Variants in DMD observed in about 807,000 individuals in gnomAD.
The protein encoded by DMD is dystrophin.
In DMD, 63 loss-of-function variants were observed where a neutral mutation model predicts 330.1. That is an observed-to-expected ratio of 0.19 (90% confidence interval 0.16 to 0.24). The LOEUF (loss-of-function observed/expected upper bound fraction) is 0.24. Ranked by LOEUF, DMD falls within the 10% of genes least tolerant of loss-of-function variation. The pLI is 1.00. For missense variants in DMD, 3,344 were observed against 2,684.1 expected (o/e 1.25, Z -5.43); for synonymous variants, 1,223 against 959.8 (o/e 1.27, Z -5.07).
At chrX:32,051,210 C>G (rs1489049594) in intron 44 of DMD, among the ~76,000 whole-genome samples, 2 of 109,844 alleles carry the variant, frequency 1.8e-5, no homozygotes, top group Non-Finnish European at 3.8e-5. Context: ...AAATGCACAC[C>G]AAATGTTAAA....
chrX:32,894,260 G>C (rs910361097), intron 2 of DMD, among the ~76,000 whole-genome samples: 1 of 111,925 alleles, frequency 8.9e-6, no homozygotes, highest in Non-Finnish European at 1.9e-5. Context: ...AATAGCGAAG[G>C]CATCAGGTTC....
chrX:31,747,512 A>G (rs989354940), intron 51 of DMD, among the ~76,000 whole-genome samples: 1 of 111,572 alleles, frequency 9.0e-6, no homozygotes, highest in African/African-American at 3.3e-5. Flanking sequence ...TTCTTATCAT[A>G]TAAAAATGGG....
At position 32,141,335 on chromosome X, in the gene DMD, C is replaced by A. The variant is rs149567499; in HGVS notation, c.6438+75581G>T. On this transcript the variant is annotated intron_variant, in intron 44 of 78. Transcript: ENST00000357033. Reference sequence around the variant, plus strand: ...CCTCTAATCCCAGCTGCTTGGGAGGCCGAGGCACAAGAATCACTTGAACCC... The same window carrying A: ...CCTCTAATCCCAGCTGCTTGGGAGGACGAGGCACAAGAATCACTTGAACCC... Among the ~76,000 whole-genome samples the A allele has an allele frequency of 5.1e-3, 558 of 109,893 alleles. 6 individuals carry two copies. Among genetic ancestry groups the A allele is most frequent in the African/African-American group, 0.017 (525 of 30,219 alleles).
chrX:31,247,384 G>A (rs2048931362), intron 63 of DMD, among the ~76,000 whole-genome samples: 1 of 110,683 alleles, frequency 9.0e-6, no homozygotes, highest in Admixed American at 9.6e-5. Flanking sequence ...GGTGGATCAT[G>A]AGGTCAGGAG....
In DMD at chrX:32,565,870, C is replaced by A. The variant is rs151013182; in HGVS notation, c.1824G>T (p.Ala608=). ...TGGATTGCTTTTTCTTTTCTAGATC[C>A]GCTTTTAAAACCTGTTAAAACAAGA... is the stretch of plus-strand genomic sequence containing the variant. ...SSLQKLAVLK[A]DLEKKKQSMG... Residue 608 remains alanine, a synonymous_variant, in exon 16 of 79, where the codon GCG becomes GCT. Coordinates refer to ENST00000357033, the MANE Select transcript of DMD (RefSeq NM_004006.3). The A allele has an allele frequency of 8.3e-7, 1 of 1,209,792 alleles. No individual in the cohort carries two copies.
intron 51 of DMD, among the ~76,000 whole-genome samples, chrX:31,765,627 T>C (rs1210145974): frequency 8.9e-6 from 1 of 112,113 alleles, no homozygotes; most frequent in African/African-American, 3.2e-5. Flanking sequence ...TTAAAATATC[T>C]ACTTAATGTA....
chrX:32,059,068 G>A (rs1324707568), intron 44 of DMD, among the ~76,000 whole-genome samples: 1 of 111,004 alleles, frequency 9.0e-6, no homozygotes, highest in Non-Finnish European at 1.9e-5. Flanking sequence ...AAAGTACAAT[G>A]GTGGTTGCTA....
chrX:31,459,698 T>A (rs1243542274), intron 59 of DMD, among the ~76,000 whole-genome samples: 1 of 112,103 alleles, frequency 8.9e-6, no homozygotes, highest in Admixed American at 9.5e-5. Context: ...TCTGTCTTAG[T>A]GTTAGATCCT....
At chrX:33,222,099 G>A (rs753122496) in intron 1 of DMD, among the ~76,000 whole-genome samples, 19 of 111,525 alleles carry the variant, frequency 1.7e-4, no homozygotes, top group African/African-American at 2.6e-4. Context: ...CAGAAAAACA[G>A]TACAAAAGAA....
intron 7 of DMD, among the ~76,000 whole-genome samples, chrX:32,776,762 A>T (rs947047659): frequency 2.7e-5 from 3 of 111,833 alleles, no homozygotes; most frequent in African/African-American, 9.8e-5. Flanking sequence ...ATTAATGCAG[A>T]ATAAATTGTT....
intron 44 of DMD, among the ~76,000 whole-genome samples, chrX:31,982,110 G>A (rs1902441146): frequency 8.9e-6 from 1 of 112,236 alleles, no homozygotes; most frequent in Admixed American, 9.4e-5. Flanking sequence ...GTGTGCCTGT[G>A]TTTGCAGTTG....
chrX:32,899,628 C>T (rs1279623850), intron 2 of DMD, among the ~76,000 whole-genome samples: 2 of 100,902 alleles, frequency 2.0e-5, no homozygotes, highest in East Asian at 3.1e-4. Context: ...GAGCCGAGAT[C>T]GCGTCACTGC....
At chrX:31,248,837 G>C in intron 63 of DMD, among the ~76,000 whole-genome samples, 1 of 111,186 alleles carries the variant, frequency 9.0e-6, no homozygotes, top group Admixed American at 9.6e-5. Flanking sequence ...CTCCTTCCTG[G>C]CTCCAGCTCC....
At chrX:33,116,759 C>G (rs1251827952) in intron 1 of DMD, among the ~76,000 whole-genome samples, 1 of 110,840 alleles carries the variant, frequency 9.0e-6, no homozygotes, top group Non-Finnish European at 1.9e-5. Context: ...TGCTTTAGAA[C>G]CAAAAGTCGA....
At chrX:31,252,570 G>T (rs751356848) in intron 63 of DMD, among the ~76,000 whole-genome samples, 9 of 111,835 alleles carry the variant, frequency 8.0e-5, no homozygotes, top group Non-Finnish European at 1.7e-4. Context: ...CACTCAAAGG[G>T]ATGACAGGAC....
intron 55 of DMD, among the ~76,000 whole-genome samples, chrX:31,510,089 C>T (rs183178303): frequency 5.4e-5 from 6 of 111,958 alleles, no homozygotes; most frequent in Admixed American, 2.8e-4. Context: ...GTAAATGACA[C>T]GTGTACAGTA....
intron 44 of DMD, among the ~76,000 whole-genome samples, chrX:32,092,547 T>C (rs917834836): frequency 5.4e-5 from 6 of 111,074 alleles, no homozygotes; most frequent in African/African-American, 2.0e-4. Context: ...TTTCATATGC[T>C]ATCTCATTTA....
At chrX:33,302,422 G>A (rs1217112793) in intron 1 of DMD, among the ~76,000 whole-genome samples, 1 of 111,932 alleles carries the variant, frequency 8.9e-6, no homozygotes, top group Non-Finnish European at 1.9e-5. Context: ...TTTCTAGGTT[G>A]ATAGGTAAAA....
chrX:31,386,748 A>G (rs983262863), intron 60 of DMD, among the ~76,000 whole-genome samples: 2 of 112,191 alleles, frequency 1.8e-5, no homozygotes, highest in African/African-American at 6.5e-5. Flanking sequence ...CTATCTAATC[A>G]CAAAGGAACT....
Sources: allele counts gnomAD v4.1 joint callset (sites outside exome capture counted in the v4.1 genomes callset), GRCh38; gene constraint gnomAD v4.1.1; transcripts MANE v1.5; gene names NCBI Gene and HGNC (gene_info 2026-07-23, HGNC 2026-07-21).